SFXN1: variants seen among roughly 807,000 people sequenced by gnomAD.
SFXN1 encodes the protein sideroflexin-1.
In SFXN1, 32 loss-of-function variants were observed where a neutral mutation model predicts 39.5. The observed-to-expected ratio is 0.81, with a 90% CI of 0.61 to 1.09. The LOEUF is 1.09. Among genes scored for constraint, SFXN1 ranks in the 50% least tolerant of loss-of-function variants. The pLI, the probability that SFXN1 is intolerant of heterozygous loss-of-function variation, is 0.00. For missense variants in SFXN1, 402 were observed against 407.1 expected (o/e 0.99, Z 0.11); for synonymous variants, 136 against 146.5 (o/e 0.93, Z 0.52).
At chr5:175,480,634 T>C (rs1203103354) in intron 1 of SFXN1, among the ~76,000 whole-genome samples, 1 of 152,186 alleles carries the variant, frequency 6.6e-6, no homozygotes, top group Non-Finnish European at 1.5e-5. Context: ...TGAAACCCCA[T>C]GGGGATGGAT....
intron 3 of SFXN1, 38 bp downstream of exon 3, chr5:175,509,240 T>A: frequency 2.0e-6 from 3 of 1,537,028 alleles, no homozygotes; most frequent in Non-Finnish European, 2.6e-6. Context: ...TGTTTACCAT[T>A]ACAGAAGCTC....
At chr5:175,504,784 A>G (rs1760224260) in intron 2 of SFXN1, among the ~76,000 whole-genome samples, 1 of 151,920 alleles carries the variant, frequency 6.6e-6, no homozygotes, top group Non-Finnish European at 1.5e-5. Flanking sequence ...GCTGGAGTGC[A>G]GTGGCGCGAT....
At chr5:175,497,936 GA>G (rs71581646) in intron 2 of SFXN1, among the ~76,000 whole-genome samples, 30,793 of 96,616 alleles carry the variant, frequency 0.32, 3,059 homozygotes, top group South Asian at 0.45. Context: ...GTCTCAAAAA[GA>G]AAAAAAAAAA....
intron 1 of SFXN1, among the ~76,000 whole-genome samples, chr5:175,486,179 GAA>G (rs563816382): frequency 9.0e-4 from 135 of 149,506 alleles, no homozygotes; most frequent in African/African-American, 3.1e-3. Context: ...TTATTTAAAG[GAA>G]AAAAGTGGGG....
intron 4 of SFXN1, among the ~76,000 whole-genome samples, chr5:175,511,019 G>A (rs1760491426): frequency 6.6e-6 from 1 of 152,288 alleles, no homozygotes; most frequent in South Asian, 2.1e-4. Context: ...TTTTTTAAAT[G>A]GCAGCACTTC....
At chr5:175,485,302 A>G (rs1202155634) in intron 1 of SFXN1, among the ~76,000 whole-genome samples, 1 of 152,206 alleles carries the variant, frequency 6.6e-6, no homozygotes, top group Non-Finnish European at 1.5e-5. Context: ...AGCAACACAG[A>G]TATATTATCT....
intron 1 of SFXN1, chr5:175,484,106 G>A (rs993069708): frequency 6.6e-6 from 1 of 152,270 alleles, no homozygotes; most frequent in Non-Finnish European, 1.5e-5. Context: ...TCAGCACAAG[G>A]CTGTGCAGCA....
intron 9 of SFXN1, 122 bp downstream of exon 9, chr5:175,522,090 A>AATGC: frequency 1.3e-6 from 1 of 764,872 alleles, no homozygotes; most frequent in African/African-American, 1.7e-5. Flanking sequence ...GAACATCTGG[A>AATGC]ATGCATGGCC....
intron 1 of SFXN1, among the ~76,000 whole-genome samples, chr5:175,491,196 C>G (rs1326132389): frequency 6.6e-6 from 1 of 152,148 alleles, no homozygotes; most frequent in African/African-American, 2.4e-5. Context: ...CAGAGTTACT[C>G]CTATTCATGG....
intron 1 of SFXN1, among the ~76,000 whole-genome samples, chr5:175,479,680 C>T (rs903810727): frequency 6.6e-6 from 1 of 152,146 alleles, no homozygotes; most frequent in African/African-American, 2.4e-5. Flanking sequence ...CCAAGAAGGC[C>T]CTCAATGAGT....
At chr5:175,500,837 A>T (rs1395491493) in intron 2 of SFXN1, among the ~76,000 whole-genome samples, 2 of 152,190 alleles carry the variant, frequency 1.3e-5, no homozygotes, top group Non-Finnish European at 1.5e-5. Context: ...TAGTTAACTG[A>T]TTTTATGTAA....
Position 175,526,378 on chromosome 5 carries a change from C to A in SFXN1, c.873-260C>A, listed in dbSNP as rs1268630311. ...GAGTGTCATCACCATACACTCTTGCCGGCAATAAGAGATTTCACCTTTTAA... is the reference window on the plus strand; with the variant it reads ...GAGTGTCATCACCATACACTCTTGCAGGCAATAAGAGATTTCACCTTTTAA... On this transcript the variant is annotated intron_variant, in intron 10 of 10. Transcript: ENST00000321442. Among the ~76,000 whole-genome samples, 1 of 151,962 alleles carries A rather than the reference C, an allele frequency of 6.6e-6. No individual in the cohort carries two copies. The highest frequency in any genetic ancestry group is 6.6e-5 in the Admixed American group (1 of 15,264).
intron 4 of SFXN1, 87 bp downstream of exon 4, chr5:175,510,294 T>A: frequency 9.4e-7 from 1 of 1,059,164 alleles, no homozygotes. Context: ...AAAAAGCCTA[T>A]GTGTGCATAT....
chr5:175,481,247 A>G (rs894718026), intron 1 of SFXN1, among the ~76,000 whole-genome samples: 1 of 152,188 alleles, frequency 6.6e-6, no homozygotes, highest in Non-Finnish European at 1.5e-5. Context: ...TAAGAAATCC[A>G]TGCCCATAGT....
chr5:175,524,722 A>C (rs2113368885), intron 10 of SFXN1, among the ~76,000 whole-genome samples: 1 of 152,304 alleles, frequency 6.6e-6, no homozygotes, highest in Middle Eastern at 3.4e-3. Context: ...GAGGATCAAC[A>C]AAGTGAAATC....
At chr5:175,483,762 T>G (rs1419528179) in intron 1 of SFXN1, 1 of 152,444 alleles carries the variant, frequency 6.6e-6, no homozygotes, top group Admixed American at 6.5e-5. Flanking sequence ...GACTGGGGCC[T>G]GCTCCCCTGT....
rs913913606 is a variant in SFXN1, at chr5:175,528,955, G to A, written c.*2221G>A. 6.6e-6 allele frequency: 1 copy of A among 152,194 alleles called. No individual in the cohort carries two copies. Among genetic ancestry groups the A allele is most frequent in the African/African-American group, 2.4e-5 (1 of 41,442 alleles). 9.4% of individuals were successfully genotyped at this position (152,194 alleles called of 1,614,324 possible). On this transcript the variant is annotated 3_prime_UTR_variant, in exon 11 of 11. Coordinates refer to ENST00000321442, the MANE Select transcript of SFXN1 (RefSeq NM_022754.7). ...GTAGTGTGTAGCTCCATTTCAGAAT[G>A]TTAACCTCCAGTGAAGAGCTAATGA...
chr5:175,509,048 C>T lies in SFXN1; in HGVS notation c.181C>T (p.Pro61Ser), dbSNP rs182791049. The change falls in exon 3 of 11, where the codon CCT (proline) becomes TCT (serine). Residue 61 changes from proline to serine, a missense_variant. Transcript: ENST00000321442. ...VHDYRQGIVP[P>S]GLTENELWRA... ...TTTTCTTAGGCAAGGAATTGTTCCT[C>T]CTGGTCTTACAGAAAATGAATTGTG... is the stretch of plus-strand genomic sequence containing the variant. 6.2e-7 allele frequency: 1 copy of T among 1,608,652 alleles called. No individual in the cohort carries two copies. Among genetic ancestry groups the T allele is most frequent in the Non-Finnish European group, 8.5e-7 (1 of 1,177,862 alleles).
At chr5:175,523,862 G>A (rs1437077436) in intron 10 of SFXN1, 1 of 151,674 alleles carries the variant, frequency 6.6e-6, no homozygotes, top group Non-Finnish European at 1.5e-5. Flanking sequence ...TTGTATGTTT[G>A]GCTTCTTGAG....
Sources: allele counts gnomAD v4.1 joint callset (sites outside exome capture counted in the v4.1 genomes callset), GRCh38; gene constraint gnomAD v4.1.1; transcripts MANE v1.5; gene names NCBI Gene and HGNC (gene_info 2026-07-23, HGNC 2026-07-21).